ZNF398: variants seen among roughly 807,000 people sequenced by gnomAD.
ZNF398 encodes the protein zinc finger DNA binding protein ZER6.
Under a neutral mutation model 41.9 loss-of-function variants are expected in ZNF398, and 18 were observed. The observed-to-expected ratio is 0.43, with a 90% CI of 0.30 to 0.64. The LOEUF is 0.64. Ranked by LOEUF, ZNF398 falls within the 30% of genes least tolerant of loss-of-function variation. The pLI is 0.14. For synonymous variants in ZNF398, 260 were observed against 308.8 expected, an observed-to-expected ratio of 0.84 and a Z score of 1.66; for missense variants, 669 against 822.8, an observed-to-expected ratio of 0.81 and a Z score of 2.29.
At chr7:149,171,683 T>C (rs1795345878) in intron 4 of ZNF398, among the ~76,000 whole-genome samples, 1 of 151,334 alleles carries the variant, frequency 6.6e-6, no homozygotes, top group African/African-American at 2.4e-5. Context: ...TTATTATTTA[T>C]TTATTTTGAG....
chr7:149,148,344 C>A, intron 1 of ZNF398: 1 of 762,800 alleles, frequency 1.3e-6, no homozygotes, highest in Non-Finnish European at 1.6e-6. Flanking sequence ...GGGTGTTTGC[C>A]AAGGCCTGCG....
chr7:149,129,676 G>C (rs571049855), intron 2 of ZNF398, among the ~76,000 whole-genome samples: 122 of 152,150 alleles, frequency 8.0e-4, no homozygotes, highest in African/African-American at 2.7e-3. Flanking sequence ...CACTGCGCCT[G>C]GCCTACAACA....
intron 4 of ZNF398, among the ~76,000 whole-genome samples, chr7:149,167,634 CTTTTTTTTT>C (rs1163487497): frequency 3.7e-5 from 5 of 133,960 alleles, no homozygotes; most frequent in Admixed American, 7.7e-5. Context: ...TTTTTCTTTT[CTTTTTTTTT>C]TTTTTTTTTG....
chr7:149,129,550 T>C (rs1297535581), intron 2 of ZNF398, among the ~76,000 whole-genome samples: 1 of 151,616 alleles, frequency 6.6e-6, no homozygotes, highest in Non-Finnish European at 1.5e-5. Context: ...CAGGTAATTT[T>C]TATATTTCTA....
At chr7:149,158,077 G>A (rs143825442) in intron 2 of ZNF398, among the ~76,000 whole-genome samples, 18 of 152,110 alleles carry the variant, frequency 1.2e-4, no homozygotes, top group African/African-American at 3.6e-4. Context: ...GCAAGACTCC[G>A]TCTCCAAAAA....
At chr7:149,157,836 CAAAAAAAAAAAA>C (rs67225033) in intron 2 of ZNF398, among the ~76,000 whole-genome samples, 1 of 59,734 alleles carries the variant, frequency 1.7e-5, no homozygotes, top group African/African-American at 6.5e-5. Context: ...GACTCTGTCT[CAAAAAAAAAAAA>C]AAAAAAAAGA....
chr7:149,146,192 G>A (rs560640450), upstream of ZNF398, among the ~76,000 whole-genome samples: 34 of 150,600 alleles, frequency 2.3e-4, no homozygotes, highest in East Asian at 6.6e-3. Context: ...GCCCGCCTCG[G>A]CCTCCCAAAG....
intron 2 of ZNF398, among the ~76,000 whole-genome samples, chr7:149,158,599 C>G (rs1005681599): frequency 6.6e-6 from 1 of 152,010 alleles, no homozygotes; most frequent in African/African-American, 2.4e-5. Flanking sequence ...CTTTGGGAGG[C>G]CTAGGCAGGC....
Position 149,178,807 on chromosome 7 carries a change from CAGCCACTGACCTGCCTGA to C in ZNF398, c.940_957del (p.Thr314_Ala319del). 1 of 1,614,188 alleles carries C rather than the reference CAGCCACTGACCTGCCTGA, an allele frequency of 6.2e-7. No individual in the cohort carries two copies. Among genetic ancestry groups the C allele is most frequent in the Non-Finnish European group, 8.5e-7 (1 of 1,180,036 alleles). ...ACATCCATGACACCTTTTGGACGTC[CAGCCACTGACCTGCCTGA>C]AGCCTCTGAGGGACAAGTGACTTTT... is the stretch of plus-strand genomic sequence containing the variant. On this transcript the variant is annotated inframe_deletion, in exon 6 of 6. Coordinates refer to ENST00000475153, the MANE Select transcript of ZNF398 (RefSeq NM_170686.3).
intron 2 of ZNF398, among the ~76,000 whole-genome samples, chr7:149,129,267 A>G (rs1452640550): frequency 6.6e-6 from 1 of 152,168 alleles, no homozygotes. Context: ...TATAGTTTGT[A>G]GGGCATGATT....
upstream of ZNF398, among the ~76,000 whole-genome samples, chr7:149,142,535 C>T (rs547325810): frequency 5.9e-5 from 9 of 152,300 alleles, no homozygotes; most frequent in African/African-American, 1.9e-4. Flanking sequence ...GGCGTGGTGG[C>T]AGGCACCTGT....
intron 2 of ZNF398, among the ~76,000 whole-genome samples, chr7:149,129,788 CTTAT>C (rs1826561844): frequency 1.3e-5 from 2 of 151,958 alleles, no homozygotes; most frequent in South Asian, 2.1e-4. Flanking sequence ...ATTTTTTATA[CTTAT>C]TTGTTTATTT....
At chr7:149,145,798 TG>T (rs1327424111), upstream of ZNF398, among the ~76,000 whole-genome samples, 1 of 152,160 alleles carries the variant, frequency 6.6e-6, no homozygotes, top group Non-Finnish European at 1.5e-5. Flanking sequence ...GGTGGCCCTA[TG>T]ATTAGACCTC....
intron 1 of ZNF398, among the ~76,000 whole-genome samples, chr7:149,127,386 G>A (rs1204858911): frequency 3.8e-5 from 2 of 52,766 alleles, no homozygotes; most frequent in African/African-American, 8.8e-5. Context: ...CTGATTAAAG[G>A]GTTAAAAAAA....
At chr7:149,144,644 AAT>A (rs1826895749), upstream of ZNF398, among the ~76,000 whole-genome samples, 1 of 151,138 alleles carries the variant, frequency 6.6e-6, no homozygotes, top group Non-Finnish European at 1.5e-5. Flanking sequence ...GCTGGAGTGC[AAT>A]GGTGCAATCT....
chr7:149,178,837 G>T lies in ZNF398; in HGVS notation c.965G>T (p.Gly322Val). 6.2e-7 allele frequency: 1 copy of T among 1,614,114 alleles called. No homozygotes were observed. The highest frequency in any genetic ancestry group is 2.2e-5 in the East Asian group (1 of 44,874). Residue 322 changes from glycine (G) to valine (V), a missense_variant, in exon 6 of 6, where the codon GGA becomes GTA. By Grantham distance (109) the Gly-to-Val change is moderately radical (BLOSUM62 -3). Around this residue, in one of 3 missense-constraint regions of ZNF398, gnomAD observed 290 missense variants for 292.9 expected, o/e 0.99. Transcript: ENST00000475153. ...PATDLPEASE[G>V]QVTFTQLGSY... is the part of the protein sequence containing the mutation. The stretch of plus-strand genomic sequence containing the variant: ...ACTGACCTGCCTGAAGCCTCTGAGG[G>T]ACAAGTGACTTTTACTCAGTTGGGT...
intron 4 of ZNF398, among the ~76,000 whole-genome samples, chr7:149,170,625 C>T (rs991391516): frequency 6.6e-6 from 1 of 151,928 alleles, no homozygotes; most frequent in Non-Finnish European, 1.5e-5. Flanking sequence ...GTCCCAGCTA[C>T]TCGGGAGGCC....
intron 1 of ZNF398, among the ~76,000 whole-genome samples, chr7:149,148,958 G>A (rs1405650067): frequency 2.3e-5 from 3 of 132,330 alleles, no homozygotes; most frequent in Non-Finnish European, 4.6e-5. Context: ...TGTGGCCCAG[G>A]GAAGCCAAAA....
chr7:149,127,845 C>G (rs967295005), intron 1 of ZNF398, among the ~76,000 whole-genome samples: 1 of 152,092 alleles, frequency 6.6e-6, no homozygotes. Flanking sequence ...CCTGTCCCAC[C>G]CTGAAACTCC....
Sources: allele counts gnomAD v4.1 joint callset (sites outside exome capture counted in the v4.1 genomes callset), GRCh38; gene constraint gnomAD v4.1.1; regional missense constraint gnomAD v4.1.1; transcripts MANE v1.5; gene names NCBI Gene and HGNC (gene_info 2026-07-23, HGNC 2026-07-21).